MRPL1: variants seen among roughly 807,000 people sequenced by gnomAD.
MRPL1 encodes the protein large ribosomal subunit protein uL1m.
In MRPL1, 28 loss-of-function variants were observed where a neutral mutation model predicts 38.0. The observed-to-expected ratio is 0.74, with a 90% confidence interval of 0.55 to 1.01. The LOEUF (loss-of-function observed/expected upper bound fraction) is 1.01, where lower values mean the gene tolerates loss of function less well. MRPL1 is among the 50% of genes least tolerant of loss of function. The pLI is 0.00. For synonymous variants in MRPL1, 123 were observed against 126.7 expected, an observed-to-expected ratio of 0.97 and a Z score of 0.20; for missense variants, 358 against 389.8, an observed-to-expected ratio of 0.92 and a Z score of 0.69.
chr4:77,949,972 A>G, intron 8 of MRPL1, 94 bp downstream of exon 8: 1 of 601,412 alleles, frequency 1.7e-6, no homozygotes, highest in Admixed American at 2.9e-5. Context: ...ATGCAAGTAT[A>G]ATAGCAAAAT....
At chr4:77,914,227 C>T (rs1736364021) in intron 7 of MRPL1, among the ~76,000 whole-genome samples, 1 of 151,940 alleles carries the variant, frequency 6.6e-6, no homozygotes, top group South Asian at 2.1e-4. Context: ...AAACTACTTG[C>T]TGTATGATAC....
chr4:77,894,616 T>C (rs986156339), intron 6 of MRPL1, among the ~76,000 whole-genome samples: 10 of 152,160 alleles, frequency 6.6e-5, no homozygotes, highest in Non-Finnish European at 1.3e-4. Context: ...GTTCAACATA[T>C]GTATGAATGT....
chr4:77,940,087 C>T (rs6850795), intron 7 of MRPL1, among the ~76,000 whole-genome samples: 10,970 of 151,718 alleles, frequency 0.072, 693 homozygotes, highest in African/African-American at 0.17. Context: ...AGAATGATGT[C>T]GGTATTTTGA....
chr4:77,868,923 C>T (rs1013747188), intron 1 of MRPL1, among the ~76,000 whole-genome samples: 4 of 152,186 alleles, frequency 2.6e-5, no homozygotes, highest in African/African-American at 9.7e-5. Context: ...CAAGTTTAGC[C>T]ATCCAAGTAT....
intron 2 of MRPL1, among the ~76,000 whole-genome samples, chr4:77,880,682 A>G (rs1735517831): frequency 6.6e-6 from 1 of 152,182 alleles, no homozygotes; most frequent in South Asian, 2.1e-4. Flanking sequence ...TAATGCTGAG[A>G]AAATTACATC....
intron 7 of MRPL1, among the ~76,000 whole-genome samples, chr4:77,940,895 CAGGTCATAGTGG>C (rs1235658776): frequency 1.3e-5 from 2 of 152,226 alleles, no homozygotes; most frequent in Admixed American, 1.3e-4. Context: ...ATATGAACCC[CAGGTCATAGTGG>C]ATTATCTTTT....
intron 6 of MRPL1, among the ~76,000 whole-genome samples, chr4:77,900,860 G>A (rs930758252): frequency 6.6e-6 from 1 of 152,182 alleles, no homozygotes; most frequent in Non-Finnish European, 1.5e-5. Context: ...AGAGACCAGC[G>A]AGGAGGCGAT....
At chr4:77,869,069 T>G (rs766010385) in intron 1 of MRPL1, among the ~76,000 whole-genome samples, 1 of 152,216 alleles carries the variant, frequency 6.6e-6, no homozygotes, top group Non-Finnish European at 1.5e-5. Context: ...TAGGTGATGG[T>G]AGCCTGGACT....
At chr4:77,933,428 G>A (rs916413826) in intron 7 of MRPL1, among the ~76,000 whole-genome samples, 2 of 152,206 alleles carry the variant, frequency 1.3e-5, no homozygotes, top group Non-Finnish European at 2.9e-5. Context: ...CTGAAAAGGT[G>A]AGCCTCAGGG....
At chr4:77,930,422 T>C (rs1736817967) in intron 7 of MRPL1, among the ~76,000 whole-genome samples, 1 of 152,212 alleles carries the variant, frequency 6.6e-6, no homozygotes, top group Non-Finnish European at 1.5e-5. Flanking sequence ...AGTGGCAGCA[T>C]TAGATTTTCA....
chr4:77,928,279 G>T (rs1277274808), intron 7 of MRPL1, among the ~76,000 whole-genome samples: 9 of 152,196 alleles, frequency 5.9e-5, no homozygotes, highest in African/African-American at 2.2e-4. Context: ...ATGTTCTGGA[G>T]TTCAGCCAAA....
In MRPL1 at chr4:77,871,818, A is replaced by C. The variant is rs755557058; in HGVS notation, c.106A>C (p.Ile36Leu). 6.2e-7 allele frequency: 1 copy of C among 1,604,432 alleles called. No individual in the cohort carries two copies. Among genetic ancestry groups the C allele is most frequent in the South Asian group, 1.1e-5 (1 of 87,786 alleles). Residue 36 changes from isoleucine to leucine, a missense_variant, in exon 2 of 9, where the codon ATC (isoleucine) becomes CTC (leucine). By Grantham distance (5) the Ile-to-Leu change is conservative. Coordinates refer to ENST00000315567, the MANE Select transcript of MRPL1 (RefSeq NM_020236.4). ...QTSLCSCSVN[I>L]RVPNRHFAAA... ...ATCACTTTGTTCTTGTTCTGTAAACATCCGAGTGCCCAACAGACATTTTGC... is the reference window on the plus strand; with the variant it reads ...ATCACTTTGTTCTTGTTCTGTAAACCTCCGAGTGCCCAACAGACATTTTGC...
rs200836896 is a variant in MRPL1 at position 77,925,341 on chromosome 4, T to TG, written c.777+15969_777+15970insG. ...AGAGATATAATTAAGTACTTTTTTT[T>TG]TTTTGTTTTTTGTTTTTTTTTCTTT... On this transcript the variant is annotated intron_variant, in intron 7 of 8. Transcript: ENST00000315567. Among the ~76,000 whole-genome samples the TG allele has an allele frequency of 5.7e-4, 87 of 151,442 alleles. 1 individual carries two copies. The highest frequency in any genetic ancestry group is 2.0e-3 in the African/African-American group (82 of 41,200).
chr4:77,885,406 C>T, intron 4 of MRPL1, 67 bp downstream of exon 4: 1 of 1,298,580 alleles, frequency 7.7e-7, no homozygotes. Flanking sequence ...CTCACTCTGT[C>T]ACCAGTCTGG....
At chr4:77,894,871 AACATTAGT>A (rs1413994767) in intron 6 of MRPL1, among the ~76,000 whole-genome samples, 4 of 152,146 alleles carry the variant, frequency 2.6e-5, no homozygotes, top group African/African-American at 9.6e-5. Context: ...TAAAGGAGGT[AACATTAGT>A]TGGATGAATT....
intron 1 of MRPL1, among the ~76,000 whole-genome samples, chr4:77,870,669 G>A (rs1735260693): frequency 6.6e-6 from 1 of 152,200 alleles, no homozygotes; most frequent in Non-Finnish European, 1.5e-5. Context: ...TATGTATATA[G>A]TGTTTCTAAA....
intron 7 of MRPL1, among the ~76,000 whole-genome samples, chr4:77,942,023 T>C (rs1180445964): frequency 3.3e-5 from 5 of 152,166 alleles, no homozygotes; most frequent in Non-Finnish European, 1.5e-5. Flanking sequence ...CTATGAACTT[T>C]CCTCTTAGTA....
At chr4:77,951,497 CCTT>C (rs1737407695) in intron 8 of MRPL1, among the ~76,000 whole-genome samples, 3 of 152,246 alleles carry the variant, frequency 2.0e-5, no homozygotes, top group Non-Finnish European at 1.5e-5. Context: ...ACTATCTTCC[CCTT>C]CTTATAATTC....
chr4:77,940,912 T>C (rs1737110304), intron 7 of MRPL1, among the ~76,000 whole-genome samples: 1 of 152,228 alleles, frequency 6.6e-6, no homozygotes, highest in Non-Finnish European at 1.5e-5. Context: ...TAGTGGATTA[T>C]CTTTTTGATA....
Sources: allele counts gnomAD v4.1 joint callset (sites outside exome capture counted in the v4.1 genomes callset), GRCh38; gene constraint gnomAD v4.1.1; transcripts MANE v1.5; gene names NCBI Gene and HGNC (gene_info 2026-07-23, HGNC 2026-07-21).